Variants in SPAG16 observed in about 807,000 individuals in gnomAD.
SPAG16 encodes the protein sperm associated antigen 16, also known as sperm-associated antigen 16 protein.
SPAG16 carries 86 observed loss-of-function variants against 80.4 expected under a neutral mutation model. The ratio of observed to expected loss-of-function variants is 1.07; its 90% CI spans 0.90 to 1.28. The LOEUF (loss-of-function observed/expected upper bound fraction) is 1.28, where lower values mean the gene tolerates loss of function less well. Among genes scored for constraint, SPAG16 ranks in the 50% most tolerant of loss-of-function variants. The pLI is 0.00. For missense variants in SPAG16, 870 were observed against 765.3 expected (o/e 1.14, Z -1.61); for synonymous variants, 294 against 265.9 (o/e 1.11, Z -1.03).
At chr2:214,095,790 A>T (rs1190288207) in intron 13 of SPAG16, among the ~76,000 whole-genome samples, 1 of 151,432 alleles carries the variant, frequency 6.6e-6, no homozygotes, top group East Asian at 2.0e-4. Flanking sequence ...ACATTGTATT[A>T]TGGTAAACAA....
intron 10 of SPAG16, among the ~76,000 whole-genome samples, chr2:213,697,229 G>A (rs1574846708): frequency 6.6e-6 from 1 of 152,164 alleles, no homozygotes. Context: ...GTGGAAAAGA[G>A]GTAGGGCTGG....
chr2:213,897,776 CCTTA>C (rs1000216941), intron 11 of SPAG16, among the ~76,000 whole-genome samples: 6 of 152,134 alleles, frequency 3.9e-5, no homozygotes, highest in East Asian at 1.9e-4. Context: ...GTAATTTAGT[CCTTA>C]CTTAGAGTGA....
intron 15 of SPAG16, among the ~76,000 whole-genome samples, chr2:214,262,437 A>G (rs550854699): frequency 3.3e-4 from 50 of 152,062 alleles, no homozygotes; most frequent in Non-Finnish European, 6.0e-4. Context: ...AGTCTTTGTT[A>G]TCATTATCTT....
At chr2:214,184,517 C>T (rs1220326948) in intron 15 of SPAG16, among the ~76,000 whole-genome samples, 3 of 152,012 alleles carry the variant, frequency 2.0e-5, no homozygotes, top group East Asian at 1.9e-4. Context: ...TTTGTCACCC[C>T]ACAACATTCT....
Position 213,350,559 on chromosome 2 carries a change from A to G in SPAG16, c.676A>G (p.Thr226Ala). 1 of 1,588,706 alleles carries G rather than the reference A, an allele frequency of 6.3e-7. No homozygotes were observed. The highest frequency in any genetic ancestry group is 8.5e-7 in the Non-Finnish European group (1 of 1,171,338). ...LKLHYASYEP[T>A]IRVLHEKHHT... The stretch of plus-strand genomic sequence containing the variant: ...GTTACATTATGCATCTTATGAACCG[A>G]CTATAAGGGTGTTACATGAGAAACA... The change falls in exon 7 of 16, where the codon ACT (threonine) becomes GCT (alanine). Residue 226 changes from threonine to alanine, a missense_variant. Coordinates refer to ENST00000331683, the MANE Select transcript of SPAG16 (RefSeq NM_024532.5).
chr2:213,817,581 C>T (rs1311993541), intron 10 of SPAG16, among the ~76,000 whole-genome samples: 1 of 151,952 alleles, frequency 6.6e-6, no homozygotes, highest in Admixed American at 6.6e-5. Flanking sequence ...TAGAATCAAC[C>T]TAGGTGCCCA....
At chr2:213,415,492 A>G (rs754912763) in intron 9 of SPAG16, among the ~76,000 whole-genome samples, 1 of 152,224 alleles carries the variant, frequency 6.6e-6, no homozygotes, top group Non-Finnish European at 1.5e-5. Context: ...AAATGCAGCA[A>G]TCTATCTGGG....
chr2:213,324,799 G>A (rs1056754032), intron 5 of SPAG16, among the ~76,000 whole-genome samples: 2 of 152,082 alleles, frequency 1.3e-5, no homozygotes, highest in African/African-American at 4.8e-5. Flanking sequence ...GTTTAACTCT[G>A]TATGAACTGC....
intron 11 of SPAG16, among the ~76,000 whole-genome samples, chr2:213,901,067 A>G (rs1319178709): frequency 6.6e-6 from 1 of 152,208 alleles, no homozygotes; most frequent in Non-Finnish European, 1.5e-5. Flanking sequence ...ATGTTTTTTA[A>G]AGAAATAATT....
At chr2:213,670,644 A>G (rs1217103208) in intron 10 of SPAG16, among the ~76,000 whole-genome samples, 4 of 151,806 alleles carry the variant, frequency 2.6e-5, no homozygotes, top group Non-Finnish European at 5.9e-5. Context: ...TCATGTACTG[A>G]TAGTATATAC....
chr2:213,340,176 G>T lies in SPAG16; in HGVS notation c.550G>T (p.Asp184Tyr), dbSNP rs573298231. The T allele has an allele frequency of 1.2e-5, 20 of 1,609,194 alleles. No individual in the cohort carries two copies. In the East Asian group the frequency reaches 4.2e-4, roughly 34 times the overall value. Reference sequence around the variant, plus strand: ...TTTTTTTTTCAGCAAAGCTAGAGAAGATTTGCTGAAAATTCAGAAAGAACG... The same window carrying T: ...TTTTTTTTTCAGCAAAGCTAGAGAATATTTGCTGAAAATTCAGAAAGAACG... ...YKQAADKARE[D>Y]LLKIQKERDF... The change falls in exon 6 of 16, where the codon GAT becomes TAT. Residue 184 changes from aspartate to tyrosine, a missense_variant. By Grantham distance (160) the Asp-to-Tyr change is radical. Transcript: ENST00000331683.
intron 15 of SPAG16, among the ~76,000 whole-genome samples, chr2:214,172,864 T>C (rs992016856): frequency 2.0e-5 from 3 of 152,212 alleles, no homozygotes; most frequent in African/African-American, 7.2e-5. Context: ...ATGGTGAACA[T>C]TTTTTCATGT....
rs146972873 is a variant in SPAG16, at chr2:213,956,142, G to T, written c.1400+25997G>T. On this transcript the variant is annotated intron_variant, in intron 12 of 15. Transcript: ENST00000331683. Reference sequence around the variant, plus strand: ...GGCTAATTTTTGTATTATTAGTAGAGATGGGGTTTCACCATTTTGGCCAGA... The same window carrying T: ...GGCTAATTTTTGTATTATTAGTAGATATGGGGTTTCACCATTTTGGCCAGA... Among the ~76,000 whole-genome samples the T allele has an allele frequency of 7.5e-3, 1,134 of 151,934 alleles. 22 individuals are homozygous for T. The highest frequency in any genetic ancestry group is 0.049 in the East Asian group (249 of 5,126).
intron 13 of SPAG16, among the ~76,000 whole-genome samples, chr2:214,071,615 A>G (rs1213545939): frequency 1.3e-5 from 2 of 152,158 alleles, no homozygotes; most frequent in Admixed American, 1.3e-4. Context: ...TTACTGGTGG[A>G]TGTCTCCATG....
chr2:213,678,105 A>G (rs1336222304), intron 10 of SPAG16, among the ~76,000 whole-genome samples: 2 of 152,182 alleles, frequency 1.3e-5, no homozygotes, highest in Non-Finnish European at 2.9e-5. Context: ...AATCTCTGGG[A>G]CACATTCAAA....
chr2:213,814,568 G>A (rs1335008960), intron 10 of SPAG16, among the ~76,000 whole-genome samples: 2 of 152,132 alleles, frequency 1.3e-5, no homozygotes, highest in African/African-American at 4.8e-5. Flanking sequence ...AAGGCGGGCG[G>A]ATCATGAGGT....
chr2:213,541,731 C>G (rs1235761679), intron 10 of SPAG16, among the ~76,000 whole-genome samples: 1 of 152,152 alleles, frequency 6.6e-6, no homozygotes, highest in Non-Finnish European at 1.5e-5. Context: ...AGACCTCTAT[C>G]GACACACAGC....
intron 12 of SPAG16, among the ~76,000 whole-genome samples, chr2:213,987,545 T>C (rs887563707): frequency 1.1e-4 from 16 of 152,076 alleles, no homozygotes; most frequent in African/African-American, 3.6e-4. Context: ...CATAAACTAA[T>C]ATACCACTAT....
intron 13 of SPAG16, among the ~76,000 whole-genome samples, chr2:214,063,366 T>C (rs531330319): frequency 6.6e-6 from 1 of 152,326 alleles, no homozygotes; most frequent in South Asian, 2.1e-4. Flanking sequence ...TTCATGGTTC[T>C]GGAGGCTGGA....
Sources: allele counts gnomAD v4.1 joint callset (sites outside exome capture counted in the v4.1 genomes callset), GRCh38; gene constraint gnomAD v4.1.1; transcripts MANE v1.5; gene names NCBI Gene and HGNC (gene_info 2026-07-23, HGNC 2026-07-21).